Variants in SLAIN1 observed in about 807,000 individuals in gnomAD.
SLAIN1 encodes SLAIN family member 1, also known as SLAIN motif-containing protein 1.
Under a neutral mutation model 55.4 loss-of-function variants are expected in SLAIN1, and 17 were observed. The ratio of observed to expected loss-of-function variants is 0.31; its 90% CI spans 0.21 to 0.46. The LOEUF is 0.46. SLAIN1 is among the 20% of genes least tolerant of loss of function. The probability of loss-of-function intolerance (pLI) is 1.00; values close to 1 mark genes in which losing one functional copy is unlikely to be tolerated. For synonymous variants in SLAIN1, 348 were observed against 337.4 expected (o/e 1.03, Z -0.35); for missense variants, 682 against 785.1 (o/e 0.87, Z 1.57).
intron 3 of SLAIN1, chr13:77,744,662 T>C: frequency 1.5e-6 from 1 of 651,684 alleles, no homozygotes; most frequent in Non-Finnish European, 2.6e-6. Flanking sequence ...GTATTGTCAC[T>C]GTGGAAACAG....
chr13:77,718,809 A>G (rs1356036446), intron 1 of SLAIN1, among the ~76,000 whole-genome samples: 1 of 152,140 alleles, frequency 6.6e-6, no homozygotes, highest in Non-Finnish European at 1.5e-5. Flanking sequence ...CACTGAAAAT[A>G]TTCTAAAATC....
intron 1 of SLAIN1, among the ~76,000 whole-genome samples, chr13:77,703,092 G>A (rs530080014): frequency 6.6e-6 from 1 of 151,574 alleles, no homozygotes; most frequent in Non-Finnish European, 1.5e-5. Context: ...AATATAAAAT[G>A]CAGCCATATA....
At chr13:77,731,769 A>G (rs1428450016) in intron 2 of SLAIN1, among the ~76,000 whole-genome samples, 1 of 152,182 alleles carries the variant, frequency 6.6e-6, no homozygotes, top group Non-Finnish European at 1.5e-5. Flanking sequence ...AAATCTGGAG[A>G]TGGATACGGA....
At chr13:77,707,269 C>A (rs1308809628) in intron 1 of SLAIN1, among the ~76,000 whole-genome samples, 1 of 152,032 alleles carries the variant, frequency 6.6e-6, no homozygotes, top group African/African-American at 2.4e-5. Flanking sequence ...ATTCCAAACT[C>A]ATTTACTGAC....
At chr13:77,724,542 G>A (rs1285955319) in intron 2 of SLAIN1, among the ~76,000 whole-genome samples, 1 of 152,062 alleles carries the variant, frequency 6.6e-6, no homozygotes, top group Non-Finnish European at 1.5e-5. Context: ...AAGAGAATAG[G>A]GAGGAATTCA....
intron 1 of SLAIN1, among the ~76,000 whole-genome samples, chr13:77,716,187 C>G (rs2091205299): frequency 6.6e-6 from 1 of 151,466 alleles, no homozygotes; most frequent in Non-Finnish European, 1.5e-5. Context: ...AAAGACTATC[C>G]TTTAAATTGT....
chr13:77,719,325 C>CT (rs1315778174), intron 1 of SLAIN1, among the ~76,000 whole-genome samples: 1 of 150,880 alleles, frequency 6.6e-6, no homozygotes, highest in Non-Finnish European at 1.5e-5. Context: ...ATTGTTAGAC[C>CT]TTTTTTTGGA....
intron 2 of SLAIN1, among the ~76,000 whole-genome samples, chr13:77,737,206 T>C (rs1329562738): frequency 1.3e-5 from 2 of 152,054 alleles, no homozygotes; most frequent in East Asian, 1.9e-4. Context: ...CCTATATTCA[T>C]TGGGTTGCCA....
intron 1 of SLAIN1, among the ~76,000 whole-genome samples, chr13:77,713,011 A>G (rs1172923479): frequency 6.6e-6 from 1 of 152,244 alleles, no homozygotes; most frequent in Non-Finnish European, 1.5e-5. Flanking sequence ...AGCCATATGC[A>G]GAAAACTGAA....
At chr13:77,736,176 G>T (rs1873106793) in intron 2 of SLAIN1, among the ~76,000 whole-genome samples, 2 of 151,938 alleles carry the variant, frequency 1.3e-5, no homozygotes, top group Admixed American at 1.3e-4. Flanking sequence ...TCCAGTAGTG[G>T]CCATCCTAGC....
rs1875215920 is a variant in SLAIN1, at chr13:77,763,431, T to C, written c.*211T>C. ...TACTGCAACATTCTCAAACCCATGG[T>C]TGCAGTATTGTGACACTTAGATCTA... On this transcript the variant is annotated 3_prime_UTR_variant, in exon 7 of 7. Transcript: ENST00000418532. 1.8e-6 allele frequency: 1 copy of C among 554,730 alleles called. No individual in the cohort carries two copies. The highest frequency in any genetic ancestry group is 1.9e-5 in the African/African-American group (1 of 53,032). The allele number at this position is 554,730 out of a possible 1,614,324, so 34.4% of individuals were successfully genotyped here. A position where few individuals can be genotyped will look rare whatever the true frequency, so the allele number is the denominator to read the frequency against.
intron 5 of SLAIN1, among the ~76,000 whole-genome samples, chr13:77,760,384 G>A (rs1874919054): frequency 6.6e-6 from 1 of 152,142 alleles, no homozygotes; most frequent in South Asian, 2.1e-4. Flanking sequence ...GAATATATCT[G>A]TAATAAACTG....
At chr13:77,749,675 A>G (rs1383735331) in intron 4 of SLAIN1, among the ~76,000 whole-genome samples, 1 of 152,220 alleles carries the variant, frequency 6.6e-6, no homozygotes, top group Non-Finnish European at 1.5e-5. Flanking sequence ...AGATAGAACT[A>G]GAACATTACT....
chr13:77,700,130 T>C (rs2091016909), intron 1 of SLAIN1, among the ~76,000 whole-genome samples: 1 of 152,202 alleles, frequency 6.6e-6, no homozygotes, highest in Non-Finnish European at 1.5e-5. Flanking sequence ...AGATTAGTAA[T>C]CTATTAATAA....
In SLAIN1 at chr13:77,761,053, C is replaced by T. The variant is rs544749290; in HGVS notation, c.1640C>T (p.Ser547Leu). ...GGTCGCAGTGCACTCCCAAGACCTT[C>T]GTTGGCAATAAATGGGAGTAACCTG... is the stretch of plus-strand genomic sequence containing the variant. ...IMGRSALPRP[S>L]LAINGSNLPR... The change falls in exon 6 of 7, where the codon TCG (serine) becomes TTG (leucine). Residue 547 changes from serine (S) to leucine (L), a missense_variant. Transcript: ENST00000418532. The T allele has an allele frequency of 1.3e-5, 21 of 1,614,160 alleles. No homozygotes were observed. The Admixed American group carries it at 1.5e-4, about 12-fold the overall frequency.
chr13:77,699,324 G>T, intron 1 of SLAIN1: 1 of 241,244 alleles, frequency 4.1e-6, no homozygotes, highest in Non-Finnish European at 8.0e-6. Flanking sequence ...AGTGAGATTA[G>T]AGAAGCCTTA....
Position 77,698,859 on chromosome 13 carries a change from A to G in SLAIN1, c.626+320A>G. On this transcript the variant is annotated intron_variant, in intron 1 of 6. Transcript: ENST00000418532. This position sits in a 1 kb window ranked among gnomAD's most constrained non-coding sequence, Gnocchi z 4.1. Reference sequence around the variant, plus strand: ...CTCGTTAGCATTAAGTGCAAAATCCATGTCATCTTGTCTTTTTGCTCAGTG... The same window carrying G: ...CTCGTTAGCATTAAGTGCAAAATCCGTGTCATCTTGTCTTTTTGCTCAGTG... The G allele has an allele frequency of 6.6e-6, 10 of 1,508,266 alleles. No homozygotes were observed. In the South Asian group the frequency reaches 1.1e-4, roughly 17 times the overall value. 93.4% of individuals were successfully genotyped at this position (1,508,266 alleles called of 1,614,324 possible). A position where few individuals can be genotyped will look rare whatever the true frequency, so the allele number is the denominator to read the frequency against.
At chr13:77,708,632 G>A (rs1426880718) in intron 1 of SLAIN1, among the ~76,000 whole-genome samples, 1 of 152,146 alleles carries the variant, frequency 6.6e-6, no homozygotes, top group Admixed American at 6.5e-5. Flanking sequence ...GTCTGGAGTG[G>A]ACCTCAGGAA....
chr13:77,716,930 T>C (rs1044427170), intron 1 of SLAIN1, among the ~76,000 whole-genome samples: 1 of 152,160 alleles, frequency 6.6e-6, no homozygotes, highest in African/African-American at 2.4e-5. Flanking sequence ...AGAGCCAATG[T>C]CTGTGTCTGT....
Sources: gnomAD v4.1 joint callset for allele counts (sites outside exome capture counted in the v4.1 genomes callset) on GRCh38, gnomAD v4.1.1 for gene constraint, Gnocchi (gnomAD v3.1) non-coding constraint, MANE v1.5 for transcripts, NCBI Gene and HGNC (gene_info 2026-07-23, HGNC 2026-07-21) for gene names.